The following MCC variants were observed in gnomAD, a reference collection of about 807,000 sequenced individuals.
MCC encodes MCC regulator of Wnt signaling pathway.
Under a neutral mutation model 116.2 loss-of-function variants are expected in MCC, and 90 were observed. That is an observed-to-expected ratio of 0.77 (90% CI 0.65 to 0.92). The LOEUF (loss-of-function observed/expected upper bound fraction) is 0.92, where lower values mean the gene tolerates loss of function less well. Among genes scored for constraint, MCC ranks in the 40% least tolerant of loss-of-function variants. The probability of loss-of-function intolerance (pLI) is 0.00; values close to 1 mark genes in which losing one functional copy is unlikely to be tolerated. For synonymous variants in MCC, 578 were observed against 510.5 expected (o/e 1.13, Z -1.78); for missense variants, 1,516 against 1,312.2 (o/e 1.16, Z -2.40).
At chr5:113,404,681 C>T (rs1337238339) in intron 1 of MCC, among the ~76,000 whole-genome samples, 2 of 152,138 alleles carry the variant, frequency 1.3e-5, no homozygotes, top group Non-Finnish European at 2.9e-5. Flanking sequence ...GACTGGAAAT[C>T]ATCTAAATAT....
At chr5:113,056,191 A>G (rs1752823259) in intron 14 of MCC, among the ~76,000 whole-genome samples, 1 of 152,210 alleles carries the variant, frequency 6.6e-6, no homozygotes, top group Admixed American at 6.5e-5. Flanking sequence ...AGCGTCTTAC[A>G]TACTTTGAAT....
chr5:113,181,434 GACA>G (rs1761622082), intron 3 of MCC, among the ~76,000 whole-genome samples: 1 of 152,188 alleles, frequency 6.6e-6, no homozygotes, highest in African/African-American at 2.4e-5. Context: ...GAAAATAGAA[GACA>G]ACATGTTATG....
At chr5:113,163,441 G>C (rs1760607047) in intron 3 of MCC, among the ~76,000 whole-genome samples, 1 of 152,064 alleles carries the variant, frequency 6.6e-6, no homozygotes, top group Non-Finnish European at 1.5e-5. Flanking sequence ...CTTTCATGTT[G>C]GTTTCCAATT....
rs571008425 is a variant in MCC at position 113,097,865 on chromosome 5, C to G, written c.1398+3874G>C. On this transcript the variant is annotated intron_variant, in intron 8 of 18. Transcript: ENST00000408903. ...GGTTCAAAATAGCATGTCTACTTGTCTCTTGAATTTACTGTGGCAATGAAA... is the reference window on the plus strand; with the variant it reads ...GGTTCAAAATAGCATGTCTACTTGTGTCTTGAATTTACTGTGGCAATGAAA... Among the ~76,000 whole-genome samples, 138 of 152,284 alleles carry G rather than the reference C, an allele frequency of 9.1e-4. 2 individuals are homozygous for G. Among genetic ancestry groups the G allele is most frequent in the African/African-American group, 3.1e-3 (130 of 41,548 alleles).
intron 3 of MCC, chr5:113,294,622 G>A (rs1373387874): frequency 1.5e-5 from 17 of 1,148,960 alleles, no homozygotes; most frequent in East Asian, 4.2e-5. Flanking sequence ...GGCGCGGCGC[G>A]CTCGCAGCTG....
intron 3 of MCC, among the ~76,000 whole-genome samples, chr5:113,216,280 C>T (rs1047829039): frequency 6.6e-6 from 1 of 152,192 alleles, no homozygotes; most frequent in African/African-American, 2.4e-5. Context: ...TTCCTTCCTA[C>T]CTTTGTGACT....
chr5:113,250,017 T>G (rs370218097), intron 3 of MCC, among the ~76,000 whole-genome samples: 8 of 151,964 alleles, frequency 5.3e-5, no homozygotes, highest in Non-Finnish European at 1.2e-4. Flanking sequence ...CACCACCAAA[T>G]AAGAAGAAAC....
intron 2 of MCC, among the ~76,000 whole-genome samples, chr5:113,343,264 A>G (rs1346065173): frequency 6.6e-6 from 1 of 152,170 alleles, no homozygotes; most frequent in Non-Finnish European, 1.5e-5. Flanking sequence ...CATTCTTTTT[A>G]TACAGTGCCT....
intron 1 of MCC, among the ~76,000 whole-genome samples, chr5:113,480,369 T>C (rs1423974518): frequency 2.6e-5 from 4 of 152,268 alleles, no homozygotes; most frequent in Admixed American, 2.6e-4. Flanking sequence ...TAGCATTATA[T>C]AAAATACCAT....
At chr5:113,258,539 G>C (rs1319419396) in intron 3 of MCC, among the ~76,000 whole-genome samples, 1 of 152,244 alleles carries the variant, frequency 6.6e-6, no homozygotes, top group Non-Finnish European at 1.5e-5. Context: ...AGGAATCTAG[G>C]TTGCATGCTC....
intron 12 of MCC, 88 bp from the exon 13 acceptor site, chr5:113,068,271 A>T: frequency 1.0e-6 from 1 of 968,422 alleles, no homozygotes. Context: ...GAGGCAGCTC[A>T]GGTGCTGTCT....
At chr5:113,300,672 T>C (rs1766839962) in intron 3 of MCC, among the ~76,000 whole-genome samples, 1 of 152,074 alleles carries the variant, frequency 6.6e-6, no homozygotes, top group East Asian at 1.9e-4. Flanking sequence ...CCAAAGAATT[T>C]CCTGCCCTAA....
intron 12 of MCC, among the ~76,000 whole-genome samples, chr5:113,070,471 T>C (rs902315312): frequency 2.0e-5 from 3 of 151,554 alleles, no homozygotes; most frequent in Non-Finnish European, 4.4e-5. Context: ...AATTGACTTG[T>C]TTTCATGACA....
At chr5:113,186,092 T>G (rs1204637628) in intron 3 of MCC, among the ~76,000 whole-genome samples, 1 of 152,194 alleles carries the variant, frequency 6.6e-6, no homozygotes. Flanking sequence ...GAGCTGCTGC[T>G]GAGGCAGCAT....
intron 17 of MCC, among the ~76,000 whole-genome samples, chr5:113,037,415 G>A (rs112373060): frequency 5.9e-5 from 9 of 152,296 alleles, no homozygotes; most frequent in African/African-American, 9.6e-5. Flanking sequence ...AGTCAGGGCC[G>A]GGCACAGTGG....
intron 3 of MCC, among the ~76,000 whole-genome samples, chr5:113,219,452 G>A (rs1763457832): frequency 6.6e-6 from 1 of 152,146 alleles, no homozygotes; most frequent in African/African-American, 2.4e-5. Flanking sequence ...TATCTAAAAA[G>A]CTGGTGTTAA....
intron 3 of MCC, among the ~76,000 whole-genome samples, chr5:113,162,211 T>C (rs1760526772): frequency 6.6e-6 from 1 of 151,940 alleles, no homozygotes; most frequent in African/African-American, 2.4e-5. Context: ...TCCCAGAAAA[T>C]GAAGAGAATG....
intron 3 of MCC, among the ~76,000 whole-genome samples, chr5:113,223,623 A>G (rs1432971453): frequency 6.6e-6 from 1 of 152,114 alleles, no homozygotes; most frequent in African/African-American, 2.4e-5. Flanking sequence ...TTTTTAAAGC[A>G]GGGATTAAAT....
intron 1 of MCC, among the ~76,000 whole-genome samples, chr5:113,397,684 T>G (rs1044727010): frequency 6.6e-6 from 1 of 152,064 alleles, no homozygotes; most frequent in Non-Finnish European, 1.5e-5. Context: ...ATACAAAAAT[T>G]AACTCAAGAT....
Sources: allele counts gnomAD v4.1 joint callset (sites outside exome capture counted in the v4.1 genomes callset), GRCh38; gene constraint gnomAD v4.1.1; transcripts MANE v1.5; gene names NCBI Gene and HGNC (gene_info 2026-07-23, HGNC 2026-07-21).